Variants in VAV2 observed in about 807,000 individuals in gnomAD.
The protein encoded by VAV2 is vav guanine nucleotide exchange factor 2, also known as guanine nucleotide exchange factor VAV2.
A neutral mutation model predicts 132.5 loss-of-function variants in VAV2; 67 were observed. That is an observed-to-expected ratio of 0.51 (90% confidence interval 0.42 to 0.62). The LOEUF (loss-of-function observed/expected upper bound fraction) is 0.62. Ranked by LOEUF, VAV2 falls within the 20% of genes least tolerant of loss-of-function variation. The probability of loss-of-function intolerance (pLI) is 0.00; values close to 1 mark genes in which losing one functional copy is unlikely to be tolerated. For synonymous variants in VAV2, 492 were observed against 443.5 expected, an observed-to-expected ratio of 1.11 and a Z score of -1.37; for missense variants, 938 against 1,153.6, an observed-to-expected ratio of 0.81 and a Z score of 2.71.
intron 25 of VAV2, among the ~76,000 whole-genome samples, chr9:133,773,197 C>T (rs1179258087): frequency 7.0e-6 from 1 of 143,470 alleles, no homozygotes; most frequent in East Asian, 2.0e-4. Context: ...CACCCCACAC[C>T]TAGGCTGGAC....
Position 133,935,974 on chromosome 9 carries a change from C to A in VAV2, c.321+3129G>T, listed in dbSNP as rs181291305. On this transcript the variant is annotated intron_variant, in intron 2 of 29. Coordinates refer to ENST00000371850, the MANE Select transcript of VAV2 (RefSeq NM_001134398.2). This position sits in a 1 kb window ranked among gnomAD's most constrained non-coding sequence, Gnocchi z 5.2. ...GGAGGCAAAGGGCATGGCTCAGATG[C>A]GGAGACCAGAAGCAGCAAGGCCCCA... 6.6e-6 allele frequency among the ~76,000 whole-genome samples: 1 copy of A among 152,304 alleles called. No individual in the cohort carries two copies. Among genetic ancestry groups the A allele is most frequent in the Non-Finnish European group, 1.5e-5 (1 of 68,018 alleles).
In VAV2 at chr9:133,918,468, G is replaced by GACC. The variant is rs1840180549; in HGVS notation, c.321+20634_321+20635insGGT. ...TGGAAAGGCGGCAGACTCCTTCTCG[G>GACC]TGGCACCCATTGTAAGAGTCAGCCT... On this transcript the variant is annotated intron_variant, in intron 2 of 29. Transcript: ENST00000371850. The surrounding 1 kb of genome is among the most constrained non-coding windows in gnomAD (Gnocchi z 4.7). Among the ~76,000 whole-genome samples the GACC allele has an allele frequency of 1.3e-5, 2 of 151,978 alleles. No homozygotes were observed. The highest frequency in any genetic ancestry group is 4.8e-5 in the African/African-American group (2 of 41,370).
intron 2 of VAV2, among the ~76,000 whole-genome samples, chr9:133,937,867 A>C (rs1840983660): frequency 6.6e-6 from 1 of 152,160 alleles, no homozygotes; most frequent in Admixed American, 6.5e-5. Flanking sequence ...TAAGGGACAC[A>C]AACTTCTAAG....
In VAV2 at chr9:133,804,666, C is replaced by T. The variant is rs757303457; in HGVS notation, c.836+1415G>A. Reference sequence around the variant, plus strand: ...TGGCCGAGGGACAGCATGAACAAGGCGCTGAAAAGGACCACTGTACCCCAC... The same window carrying T: ...TGGCCGAGGGACAGCATGAACAAGGTGCTGAAAAGGACCACTGTACCCCAC... On this transcript the variant is annotated intron_variant, in intron 9 of 29. Coordinates refer to ENST00000371850, the MANE Select transcript of VAV2 (RefSeq NM_001134398.2). This position sits in a 1 kb window ranked among gnomAD's most constrained non-coding sequence, Gnocchi z 4.5. Among the ~76,000 whole-genome samples, 5 of 152,222 alleles carry T rather than the reference C, an allele frequency of 3.3e-5. No homozygotes were observed. Among genetic ancestry groups the T allele is most frequent in the African/African-American group, 1.2e-4 (5 of 41,458 alleles).
intron 13 of VAV2, among the ~76,000 whole-genome samples, chr9:133,789,582 A>AG (rs1167571557): frequency 4.6e-5 from 7 of 152,182 alleles, no homozygotes; most frequent in African/African-American, 1.7e-4. Context: ...AGCCCTGCCA[A>AG]GGGGCTCCCT....
At chr9:133,963,672 T>C (rs2132230725) in intron 1 of VAV2, among the ~76,000 whole-genome samples, 1 of 152,246 alleles carries the variant, frequency 6.6e-6, no homozygotes, top group East Asian at 1.9e-4. Flanking sequence ...CCACGTTGTA[T>C]CACATCCAAG....
chr9:133,856,590 G>C (rs928639552), intron 3 of VAV2, among the ~76,000 whole-genome samples: 1 of 152,204 alleles, frequency 6.6e-6, no homozygotes, highest in African/African-American at 2.4e-5. Context: ...TGCTCTAACA[G>C]GTCACCAGAG....
chr9:133,800,283 TG>T (rs1449597586), intron 9 of VAV2, among the ~76,000 whole-genome samples: 1 of 152,096 alleles, frequency 6.6e-6, no homozygotes, highest in Non-Finnish European at 1.5e-5. Flanking sequence ...CTTTGAAAAG[TG>T]CCCCTGACCT....
intron 4 of VAV2, among the ~76,000 whole-genome samples, chr9:133,817,520 A>C (rs1835607557): frequency 6.6e-6 from 1 of 152,190 alleles, no homozygotes. Flanking sequence ...AGACAGGAGA[A>C]TTGTTTGAGC....
intron 2 of VAV2, among the ~76,000 whole-genome samples, chr9:133,902,951 T>A (rs1839499550): frequency 6.6e-6 from 1 of 151,934 alleles, no homozygotes; most frequent in African/African-American, 2.4e-5. Context: ...GATGCACACC[T>A]GTAATCCCAG....
intron 2 of VAV2, among the ~76,000 whole-genome samples, chr9:133,922,086 TA>T (rs1157401662): frequency 6.6e-6 from 1 of 152,238 alleles, no homozygotes; most frequent in African/African-American, 2.4e-5. Flanking sequence ...CCCACGCTGT[TA>T]GGGGGACCCG....
chr9:133,875,162 C>T (rs1031608466), intron 2 of VAV2, among the ~76,000 whole-genome samples: 30 of 152,226 alleles, frequency 2.0e-4, no homozygotes, highest in African/African-American at 6.3e-4. Context: ...ACTCTCACCA[C>T]GCTCAGGTCA....
intron 3 of VAV2, among the ~76,000 whole-genome samples, chr9:133,858,847 G>A (rs2131860218): frequency 6.6e-6 from 1 of 152,344 alleles, no homozygotes; most frequent in South Asian, 2.1e-4. Flanking sequence ...CTCCTGTGGG[G>A]TGGCAGCCTT....
In VAV2 at chr9:133,797,820, C is replaced by A. The variant is rs1478753562; in HGVS notation, c.837-11G>T. 2.5e-6 allele frequency: 4 copies of A among 1,609,638 alleles called. No homozygotes were observed. Among genetic ancestry groups the A allele is most frequent in the East Asian group, 2.2e-5 (1 of 44,850 alleles). ...CCGTAGATCAGAAGCCTGGACGGTG[C>A]ACACACACGCACACACGCACACAGA... On this transcript the variant is annotated splice_polypyrimidine_tract_variant and intron_variant, in intron 9 of 29. Coordinates refer to ENST00000371850, the MANE Select transcript of VAV2 (RefSeq NM_001134398.2).
chr9:133,864,073 C>T (rs919815919), intron 2 of VAV2, among the ~76,000 whole-genome samples: 5 of 152,184 alleles, frequency 3.3e-5, no homozygotes, highest in African/African-American at 9.7e-5. Context: ...ACAGCCCCAG[C>T]CGACTCTTCC....
At chr9:133,937,169 A>T (rs2519808) in intron 2 of VAV2, among the ~76,000 whole-genome samples, 130,878 of 152,234 alleles carry the variant, frequency 0.86, 57,474 homozygotes, top group East Asian at 0.97. Flanking sequence ...ATACCAGTTG[A>T]GTGTCTAAGT....
rs1425434322 is a variant in VAV2 at position 133,942,556 on chromosome 9, G to GTGA, written c.205-3340_205-3338dup. Among the ~76,000 whole-genome samples, 4 of 152,274 alleles carry GTGA rather than the reference G, an allele frequency of 2.6e-5. No individual in the cohort carries two copies. The East Asian group carries it at 7.7e-4, about 29-fold the overall frequency. On this transcript the variant is annotated intron_variant, in intron 1 of 29. Coordinates refer to ENST00000371850, the MANE Select transcript of VAV2 (RefSeq NM_001134398.2). ...CATGTGCTGCAGCTTCCAGCCTGGC[G>GTGA]TGACTATTTTTTGAATATGGCTTGT...
Position 133,834,795 on chromosome 9 carries a change from C to T in VAV2, c.381-455G>A, listed in dbSNP as rs1467856024. On this transcript the variant is annotated intron_variant, in intron 3 of 29. Transcript: ENST00000371850. This position sits in a 1 kb window ranked among gnomAD's most constrained non-coding sequence, Gnocchi z 5.9. ...CAGGAGAGGAAGCAGGAGGGGACTC[C>T]GGAAGGGAGGGGTGACTTCTGAGGC... 3.3e-5 allele frequency among the ~76,000 whole-genome samples: 5 copies of T among 152,158 alleles called. No homozygotes were observed. The highest frequency in any genetic ancestry group is 2.0e-4 in the Admixed American group (3 of 15,276).
At chr9:133,868,715 G>A (rs1053913536) in intron 2 of VAV2, among the ~76,000 whole-genome samples, 1 of 152,246 alleles carries the variant, frequency 6.6e-6, no homozygotes, top group Non-Finnish European at 1.5e-5. Context: ...GCCATCTCCT[G>A]GGAATGCCGC....
Sources: gnomAD v4.1 joint callset for allele counts (sites outside exome capture counted in the v4.1 genomes callset) on GRCh38, gnomAD v4.1.1 for gene constraint, Gnocchi (gnomAD v3.1) non-coding constraint, MANE v1.5 for transcripts, NCBI Gene and HGNC (gene_info 2026-07-23, HGNC 2026-07-21) for gene names.